GTF3C2: variants seen among roughly 807,000 people sequenced by gnomAD.
The protein encoded by GTF3C2 is general transcription factor 3C polypeptide 2.
A neutral mutation model predicts 117.4 loss-of-function variants in GTF3C2; 17 were observed. That is an observed-to-expected ratio of 0.14 (90% confidence interval 0.10 to 0.22). The LOEUF (loss-of-function observed/expected upper bound fraction) is 0.22, where lower values mean the gene tolerates loss of function less well. Among genes scored for constraint, GTF3C2 ranks in the 10% least tolerant of loss-of-function variants. GTF3C2 has a pLI of 1.00. For missense variants in GTF3C2, 888 were observed against 1,143.6 expected (o/e 0.78, Z 3.22); for synonymous variants, 437 against 427.0 (o/e 1.02, Z -0.29).
At chr2:27,341,848 T>C (rs1478559266) in intron 4 of GTF3C2, 100 bp downstream of exon 4, 12 of 1,031,104 alleles carry the variant, frequency 1.2e-5, no homozygotes, top group Non-Finnish European at 1.7e-5. Context: ...TTTTGTCTAT[T>C]ATAGTTACCA....
chr2:27,336,051 G>C, intron 8 of GTF3C2, 23 bp from the exon 9 acceptor site: 1 of 1,528,666 alleles, frequency 6.5e-7, no homozygotes, highest in Non-Finnish European at 9.1e-7. Context: ...AGCATGTGGG[G>C]ATGGTGGGTA....
chr2:27,355,287 C>T (rs1372932181), intron 1 of GTF3C2, among the ~76,000 whole-genome samples: 1 of 152,118 alleles, frequency 6.6e-6, no homozygotes, highest in South Asian at 2.1e-4. Flanking sequence ...CTTTAGGAGG[C>T]CGAGGTGGGC....
intron 4 of GTF3C2, chr2:27,338,258 C>T (rs1680568368): frequency 2.0e-6 from 1 of 496,106 alleles, no homozygotes; most frequent in Non-Finnish European, 3.7e-6. Context: ...GCTTCCTCAA[C>T]ATCTCCATGG....
At chr2:27,347,782 G>A (rs1248251770) in intron 1 of GTF3C2, among the ~76,000 whole-genome samples, 1 of 152,206 alleles carries the variant, frequency 6.6e-6, no homozygotes, top group East Asian at 1.9e-4. Flanking sequence ...GGATCTTTAA[G>A]AGATGATTAG....
intron 1 of GTF3C2, among the ~76,000 whole-genome samples, chr2:27,345,992 G>A (rs1189456698): frequency 2.0e-5 from 3 of 148,414 alleles, no homozygotes; most frequent in African/African-American, 7.5e-5. Flanking sequence ...TAGGATTACA[G>A]ACTTGAGCCA....
chr2:27,341,651 G>T, intron 4 of GTF3C2: 1 of 362,960 alleles, frequency 2.8e-6, no homozygotes, highest in Non-Finnish European at 5.1e-6. Context: ...TTCACTCCTG[G>T]GGTAGTGCTG....
At chr2:27,335,867 T>C (rs1012030593) in intron 9 of GTF3C2, 50 bp downstream of exon 9, 6 of 1,302,134 alleles carry the variant, frequency 4.6e-6, no homozygotes, top group Admixed American at 3.5e-5. Flanking sequence ...CAGGGCCTCT[T>C]TGTCCTGGCT....
intron 1 of GTF3C2, among the ~76,000 whole-genome samples, chr2:27,352,244 G>A (rs1681164363): frequency 6.6e-6 from 1 of 152,134 alleles, no homozygotes; most frequent in African/African-American, 2.4e-5. Context: ...TTTTATGTGT[G>A]AATCTAAGTT....
rs372143627 is a variant in GTF3C2 at position 27,350,589 on chromosome 2, CAGG to C, written c.-25+6147_-25+6149del. Reference sequence around the variant, plus strand: ...CCAAGGTGGGAGGATCGCTTGAGGCCAGGAGTTCAAGATCAGCCTGGGCAACAC... The same window carrying C: ...CCAAGGTGGGAGGATCGCTTGAGGCCAGTTCAAGATCAGCCTGGGCAACAC... On this transcript the variant is annotated intron_variant, in intron 1 of 18. Transcript: ENST00000264720. 703 of 782,714 alleles carry C rather than the reference CAGG, an allele frequency of 9.0e-4. 3 individuals carry two copies. Among genetic ancestry groups the C allele is most frequent in the African/African-American group, 6.7e-3 (355 of 53,248 alleles). 48.5% of individuals were successfully genotyped at this position (782,714 alleles called of 1,614,324 possible).
chr2:27,337,422 C>T, intron 6 of GTF3C2, 59 bp downstream of exon 6: 1 of 1,456,014 alleles, frequency 6.9e-7, no homozygotes, highest in Non-Finnish European at 9.7e-7. Flanking sequence ...GCCTCTGTCA[C>T]CCTTTCGTCT....
intron 4 of GTF3C2, among the ~76,000 whole-genome samples, chr2:27,338,450 GCGCA>G (rs1680580789): frequency 5.3e-5 from 3 of 57,026 alleles, no homozygotes; most frequent in Non-Finnish European, 1.2e-4. Context: ...AGGCGCGCAC[GCGCA>G]CGCGCGCACA....
In GTF3C2 at chr2:27,336,113, A is replaced by G. The variant is rs1478940104; in HGVS notation, c.1355+85T>C. 2.8e-6 allele frequency: 4 copies of G among 1,409,274 alleles called. No homozygotes were observed. In the South Asian group the frequency reaches 4.6e-5, roughly 16 times the overall value. The allele number at this position is 1,409,274 out of a possible 1,614,324, so 87.3% of individuals were successfully genotyped here. ...GGTAAGCTCCCCTTGTCTCAGCCCA[A>G]TCCAAGCCCTTCCCCCTATCCTGTC... On this transcript the variant is annotated intron_variant, in intron 8 of 18. Transcript: ENST00000264720.
At chr2:27,335,486 A>G (rs1284726571) in intron 10 of GTF3C2, 112 bp downstream of exon 10, 1 of 722,988 alleles carries the variant, frequency 1.4e-6, no homozygotes, top group Non-Finnish European at 2.5e-6. Flanking sequence ...TGGCTGAGTA[A>G]GGCTTTGTGC....
At chr2:27,333,397 T>C (rs1270355562) in intron 12 of GTF3C2, among the ~76,000 whole-genome samples, 3 of 151,564 alleles carry the variant, frequency 2.0e-5, no homozygotes, top group Non-Finnish European at 4.4e-5. Context: ...TCAAGAGATC[T>C]GCCTGCCTCA....
chr2:27,327,332 GT>G (rs768783449), intron 17 of GTF3C2, 48 bp from the exon 18 acceptor site: 22 of 1,033,898 alleles, frequency 2.1e-5, no homozygotes, highest in Middle Eastern at 2.2e-4. Context: ...ACGCTCGTTT[GT>G]TTTTTTTAAG....
At chr2:27,352,315 A>T (rs942041668) in intron 1 of GTF3C2, among the ~76,000 whole-genome samples, 1 of 152,064 alleles carries the variant, frequency 6.6e-6, no homozygotes, top group African/African-American at 2.4e-5. Flanking sequence ...CCCCCTACAC[A>T]TTCTCTGATC....
exon 3 of GTF3C2, chr2:27,343,079 T>C: frequency 6.2e-7 from 1 of 1,612,898 alleles, no homozygotes; most frequent in South Asian, 1.1e-5. Context: ...TTTCGTGTCC[T>C]ACCACCTCTC....
chr2:27,352,247 T>C (rs1681164630), intron 1 of GTF3C2, among the ~76,000 whole-genome samples: 1 of 152,186 alleles, frequency 6.6e-6, no homozygotes. Context: ...TATGTGTGAA[T>C]CTAAGTTGCT....
intron 7 of GTF3C2, 125 bp downstream of exon 7, chr2:27,337,119 A>T: frequency 6.2e-6 from 4 of 647,682 alleles, no homozygotes; most frequent in Non-Finnish European, 1.1e-5. Context: ...CAGCACTCTT[A>T]TTCTTGGGAC....
Sources: allele counts gnomAD v4.1 joint callset (sites outside exome capture counted in the v4.1 genomes callset), GRCh38; gene constraint gnomAD v4.1.1; transcripts MANE v1.5; gene names NCBI Gene and HGNC (gene_info 2026-07-23, HGNC 2026-07-21).